KRAS: variants seen among roughly 807,000 people sequenced by gnomAD.
KRAS encodes GTPase KRas.
In KRAS, 1 loss-of-function variant was observed where a neutral mutation model predicts 21.0. The ratio of observed to expected loss-of-function variants is 0.05; its 90% CI spans 0.02 to 0.23. The LOEUF is 0.23. Among genes scored for constraint, KRAS ranks in the 10% least tolerant of loss-of-function variants. The pLI, the probability that KRAS is intolerant of heterozygous loss-of-function variation, is 1.00. For synonymous variants in KRAS, 67 were observed against 72.5 expected (o/e 0.92, Z 0.39); for missense variants, 107 against 221.8 (o/e 0.48, Z 3.29).
chr12:25,216,385 C>T (rs1951256286), intron 4 of KRAS, among the ~76,000 whole-genome samples: 2 of 152,198 alleles, frequency 1.3e-5, no homozygotes, highest in Non-Finnish European at 2.9e-5. Context: ...GGTGATCCCC[C>T]TGCCTCAGCC....
intron 4 of KRAS, among the ~76,000 whole-genome samples, chr12:25,217,708 C>A (rs552813213): frequency 1.1e-4 from 16 of 152,080 alleles, no homozygotes; most frequent in Non-Finnish European, 2.1e-4. Flanking sequence ...GCAAGAGATG[C>A]CAGGAGTTTG....
intron 2 of KRAS, among the ~76,000 whole-genome samples, chr12:25,228,138 C>T (rs1040389385): frequency 6.7e-6 from 1 of 149,826 alleles, no homozygotes; most frequent in Non-Finnish European, 1.5e-5. Flanking sequence ...AAAGGAAATG[C>T]TCACTGGAGC....
chr12:25,215,498 G>C (rs766231905), intron 4 of KRAS: 17 of 1,611,508 alleles, frequency 1.1e-5, no homozygotes, highest in Non-Finnish European at 1.4e-5. Context: ...CTTCTTTGCT[G>C]ATTTTTTTCA....
chr12:25,239,102 T>C (rs1407384379), intron 2 of KRAS, among the ~76,000 whole-genome samples: 1 of 152,240 alleles, frequency 6.6e-6, no homozygotes, highest in East Asian at 1.9e-4. Context: ...TGTTATTTAT[T>C]GTTTGAACTT....
intron 2 of KRAS, among the ~76,000 whole-genome samples, chr12:25,229,168 A>G (rs1951433576): frequency 6.6e-6 from 1 of 152,258 alleles, no homozygotes; most frequent in South Asian, 2.1e-4. Context: ...AGAGTCAACA[A>G]TGCAAGTGTA....
At chr12:25,245,705 G>C (rs1314169386) in intron 1 of KRAS, among the ~76,000 whole-genome samples, 1 of 152,068 alleles carries the variant, frequency 6.6e-6, no homozygotes, top group Non-Finnish European at 1.5e-5. Flanking sequence ...GTTCTGCGGC[G>C]GCTAAAGGCT....
At chr12:25,233,469 G>C (rs1024126313) in intron 2 of KRAS, among the ~76,000 whole-genome samples, 5 of 151,794 alleles carry the variant, frequency 3.3e-5, no homozygotes, top group African/African-American at 1.2e-4. Context: ...TGGGAGGACT[G>C]CTTGAGCCAG....
intron 2 of KRAS, among the ~76,000 whole-genome samples, chr12:25,231,797 T>C (rs1453413606): frequency 6.6e-6 from 1 of 152,170 alleles, no homozygotes; most frequent in African/African-American, 2.4e-5. Context: ...AGAAGTGCAA[T>C]TAGTCACTGA....
chr12:25,236,332 ACT>A (rs1951544381), intron 2 of KRAS, among the ~76,000 whole-genome samples: 1 of 151,450 alleles, frequency 6.6e-6, no homozygotes, highest in Non-Finnish European at 1.5e-5. Flanking sequence ...CTTCCCAGAC[ACT>A]GACTCATCAT....
chr12:25,228,057 C>G (rs1162179223), intron 2 of KRAS, among the ~76,000 whole-genome samples: 2 of 151,918 alleles, frequency 1.3e-5, no homozygotes, highest in African/African-American at 4.8e-5. Context: ...AGCATTAATG[C>G]AGGTTAATCC....
intron 3 of KRAS, 74 bp downstream of exon 3, chr12:25,227,160 A>T (rs115908336): frequency 9.5e-7 from 1 of 1,054,344 alleles, no homozygotes; most frequent in Admixed American, 2.0e-5. Flanking sequence ...TATGCATGGC[A>T]TTAGCAAAGA....
intron 1 of KRAS, among the ~76,000 whole-genome samples, chr12:25,249,845 A>T (rs976239826): frequency 3.2e-4 from 49 of 152,224 alleles, no homozygotes; most frequent in African/African-American, 1.1e-3. Flanking sequence ...TATTTTTGCT[A>T]TTGCTGTCTA....
At chr12:25,224,444 A>G (rs1951365491) in intron 4 of KRAS, among the ~76,000 whole-genome samples, 1 of 152,138 alleles carries the variant, frequency 6.6e-6, no homozygotes, top group Non-Finnish European at 1.5e-5. Flanking sequence ...AAACAAACAA[A>G]AAATTTTAAA....
intron 4 of KRAS, among the ~76,000 whole-genome samples, chr12:25,220,399 T>C (rs148781966): frequency 1.6e-4 from 25 of 152,296 alleles, no homozygotes; most frequent in African/African-American, 5.5e-4. Context: ...TTATAAGTTA[T>C]TAAGTTGGTA....
At chr12:25,228,447 G>A (rs1345463731) in intron 2 of KRAS, among the ~76,000 whole-genome samples, 1 of 151,946 alleles carries the variant, frequency 6.6e-6, no homozygotes, top group Non-Finnish European at 1.5e-5. Context: ...GCTTCAACCT[G>A]TATATACATG....
chr12:25,216,846 A>G (rs939762325), intron 4 of KRAS, among the ~76,000 whole-genome samples: 1 of 152,240 alleles, frequency 6.6e-6, no homozygotes, highest in Non-Finnish European at 1.5e-5. Context: ...GTAGGGGCAC[A>G]GAGAAATACA....
Position 25,209,837 on chromosome 12 carries a change from T to C in KRAS, c.525A>G (p.Lys175=). The C allele has an allele frequency of 6.2e-7, 1 of 1,611,036 alleles. No homozygotes were observed. Among genetic ancestry groups the C allele is most frequent in the Non-Finnish European group, 8.5e-7 (1 of 1,177,740 alleles). The part of the protein sequence containing the change: ...KHKEKMSKDG[K]KKKKKSKTKC... ...TTGTCTTTGACTTCTTTTTCTTCTT[T>C]TTACCATCTTTGCTCATCTTTTCTT... Residue 175 remains lysine (K), a synonymous_variant, in exon 5 of 5, where the codon AAA becomes AAG. Transcript: ENST00000311936.
intron 2 of KRAS, among the ~76,000 whole-genome samples, chr12:25,229,685 G>A (rs532502639): frequency 6.6e-6 from 1 of 152,186 alleles, no homozygotes; most frequent in East Asian, 1.9e-4. Context: ...GAAATAAGAA[G>A]CAGGGCTAAC....
chr12:25,221,005 ACAGAGGGAGACTCTGCCT>A (rs1951315651), intron 4 of KRAS, among the ~76,000 whole-genome samples: 1 of 127,956 alleles, frequency 7.8e-6, no homozygotes, highest in Non-Finnish European at 1.6e-5. Context: ...AGCCTGGGTG[ACAGAGGGAGACTCTGCCT>A]CAAAAAAAAA....
Sources: gnomAD v4.1 joint callset for allele counts (sites outside exome capture counted in the v4.1 genomes callset) on GRCh38, gnomAD v4.1.1 for gene constraint, MANE v1.5 for transcripts, NCBI Gene and HGNC (gene_info 2026-07-23, HGNC 2026-07-21) for gene names.